The following GRIK2 variants were observed in gnomAD, a reference collection of about 807,000 sequenced individuals.
GRIK2 encodes the protein glutamate receptor ionotropic, kainate 2.
In GRIK2, 32 loss-of-function variants were observed where a neutral mutation model predicts 100.3. That is an observed-to-expected ratio of 0.32 (90% CI 0.24 to 0.43). The LOEUF is 0.43. Ranked by LOEUF, GRIK2 falls within the 20% of genes least tolerant of loss-of-function variation. GRIK2 has a pLI of 1.00. For missense variants in GRIK2, 843 were observed against 1,114.9 expected, an observed-to-expected ratio of 0.76 and a Z score of 3.47; for synonymous variants, 417 against 389.4, an observed-to-expected ratio of 1.07 and a Z score of -0.83.
chr6:102,045,758 C>A (rs1478697270), intron 15 of GRIK2, among the ~76,000 whole-genome samples: 1 of 151,902 alleles, frequency 6.6e-6, no homozygotes, highest in Non-Finnish European at 1.5e-5. Flanking sequence ...GAGCATATGA[C>A]AAGATGCTCC....
At position 101,984,130 on chromosome 6, in the gene GRIK2, G is replaced by C. The variant is rs553931227; in HGVS notation, c.2086-51211G>C. ...AGTTTTAATATTCACATGTCAAATG[G>C]ATAAAATAATTAAAAATTCTCAAAA... On this transcript the variant is annotated intron_variant, in intron 14 of 16. Coordinates refer to ENST00000369134, the MANE Select transcript of GRIK2 (RefSeq NM_021956.5). Among the ~76,000 whole-genome samples the C allele has an allele frequency of 2.0e-4, 31 of 151,612 alleles. No individual in the cohort carries two copies. The South Asian group carries it at 6.2e-3, about 30-fold the overall frequency.
intron 2 of GRIK2, among the ~76,000 whole-genome samples, chr6:101,575,863 G>T (rs1007158958): frequency 2.0e-5 from 3 of 151,846 alleles, no homozygotes; most frequent in Non-Finnish European, 4.4e-5. Context: ...CCCACACCTG[G>T]CATTTAAAGG....
chr6:101,772,645 A>G (rs1229670457), intron 7 of GRIK2, among the ~76,000 whole-genome samples: 2 of 133,758 alleles, frequency 1.5e-5, no homozygotes, highest in East Asian at 4.2e-4. Flanking sequence ...GAAAAAAACT[A>G]GTGAAACTTC....
Position 101,944,702 on chromosome 6 carries a change from A to G in GRIK2, c.2085+16070A>G, listed in dbSNP as rs561160497. 4.6e-5 allele frequency among the ~76,000 whole-genome samples: 7 copies of G among 152,276 alleles called. No individual in the cohort carries two copies. The South Asian group carries it at 1.4e-3, about 32-fold the overall frequency. ...ATTTCAAAAGAAAAAAATATTTTTT[A>G]TCTAGAAAGCTGTAATAATTCATTA... is the stretch of plus-strand genomic sequence containing the variant. On this transcript the variant is annotated intron_variant, in intron 14 of 16. Transcript: ENST00000369134.
intron 2 of GRIK2, among the ~76,000 whole-genome samples, chr6:101,578,854 A>C (rs546802187): frequency 6.6e-6 from 1 of 152,174 alleles, no homozygotes. Flanking sequence ...GCAACATATA[A>C]ATTCCATCCA....
intron 7 of GRIK2, among the ~76,000 whole-genome samples, chr6:101,784,100 T>C (rs780193797): frequency 1.1e-4 from 16 of 152,200 alleles, no homozygotes; most frequent in Admixed American, 3.9e-4. Flanking sequence ...GAGCGGAATG[T>C]TACTAGCCAA....
chr6:101,865,766 G>A (rs1273895280), intron 11 of GRIK2, among the ~76,000 whole-genome samples: 1 of 151,614 alleles, frequency 6.6e-6, no homozygotes, highest in Non-Finnish European at 1.5e-5. Context: ...GTGCACTCCC[G>A]TAATCCCAGC....
At chr6:101,548,699 A>G (rs949831191) in intron 2 of GRIK2, among the ~76,000 whole-genome samples, 2 of 152,164 alleles carry the variant, frequency 1.3e-5, no homozygotes, top group Admixed American at 6.5e-5. Flanking sequence ...TCACTGTATC[A>G]TGATCATGAT....
chr6:101,804,695 C>G (rs1331023009), intron 9 of GRIK2, among the ~76,000 whole-genome samples: 1 of 151,820 alleles, frequency 6.6e-6, no homozygotes, highest in Non-Finnish European at 1.5e-5. Context: ...CATAAACCTT[C>G]CCCTGAAAAG....
chr6:101,844,450 G>A (rs889662128), intron 10 of GRIK2, among the ~76,000 whole-genome samples: 2 of 152,148 alleles, frequency 1.3e-5, no homozygotes, highest in Non-Finnish European at 2.9e-5. Context: ...CTCAAAGAAC[G>A]ACATGGCTTG....
intron 2 of GRIK2, among the ~76,000 whole-genome samples, chr6:101,617,944 G>A (rs1779976968): frequency 6.6e-6 from 1 of 150,882 alleles, no homozygotes; most frequent in Non-Finnish European, 1.5e-5. Flanking sequence ...ATATGTGTGT[G>A]TATATATATG....
chr6:101,485,414 C>T (rs945060810), intron 2 of GRIK2, among the ~76,000 whole-genome samples: 7 of 152,008 alleles, frequency 4.6e-5, no homozygotes, highest in African/African-American at 1.7e-4. Flanking sequence ...TTTCTTTAAC[C>T]TTCCAAGCAT....
At chr6:101,793,660 C>T (rs529558145) in intron 7 of GRIK2, among the ~76,000 whole-genome samples, 34 of 152,306 alleles carry the variant, frequency 2.2e-4, no homozygotes, top group African/African-American at 8.2e-4. Context: ...GGTCAGGGGT[C>T]AGGGACCCAG....
Position 101,510,985 on chromosome 6 carries a change from T to TG in GRIK2, c.116-110960dup, listed in dbSNP as rs559336123. Among the ~76,000 whole-genome samples the TG allele has an allele frequency of 1.1e-3, 163 of 152,208 alleles. 1 individual carries two copies. The highest frequency in any genetic ancestry group is 3.7e-3 in the African/African-American group (152 of 41,556). On this transcript the variant is annotated intron_variant, in intron 2 of 16. Transcript: ENST00000369134. ...TTATGCTTTTTTATAACACAAAGCATGGGGAGACTTTATCAAATCACATGT... is the reference window on the plus strand; with the variant it reads ...TTATGCTTTTTTATAACACAAAGCATGGGGGAGACTTTATCAAATCACATGT...
At chr6:101,606,276 GATTTA>G (rs1426857949) in intron 2 of GRIK2, among the ~76,000 whole-genome samples, 1 of 151,960 alleles carries the variant, frequency 6.6e-6, no homozygotes, top group African/African-American at 2.4e-5. Flanking sequence ...TCAGAAATAG[GATTTA>G]ATTTTAAACG....
intron 14 of GRIK2, among the ~76,000 whole-genome samples, chr6:101,991,939 T>A (rs1396150283): frequency 1.3e-5 from 2 of 151,556 alleles, no homozygotes; most frequent in Non-Finnish European, 3.0e-5. Flanking sequence ...GCATACTATA[T>A]ATGTCATGGG....
At chr6:101,591,337 G>A (rs1216448164) in intron 2 of GRIK2, among the ~76,000 whole-genome samples, 2 of 150,978 alleles carry the variant, frequency 1.3e-5, no homozygotes, top group Non-Finnish European at 3.0e-5. Flanking sequence ...GTCTAGCTCA[G>A]GTCATGATTC....
chr6:101,412,198 A>T (rs1437286074), intron 2 of GRIK2, among the ~76,000 whole-genome samples: 1 of 152,090 alleles, frequency 6.6e-6, no homozygotes, highest in Non-Finnish European at 1.5e-5. Context: ...TGGACACTAC[A>T]TTTGGAATTA....
intron 4 of GRIK2, among the ~76,000 whole-genome samples, chr6:101,658,395 A>G (rs1201506417): frequency 3.3e-5 from 5 of 152,046 alleles, no homozygotes; most frequent in African/African-American, 2.4e-5. Flanking sequence ...ATCCTTTTTT[A>G]TGGCTGCATA....
Sources: allele counts gnomAD v4.1 joint callset (sites outside exome capture counted in the v4.1 genomes callset), GRCh38; gene constraint gnomAD v4.1.1; transcripts MANE v1.5; gene names NCBI Gene and HGNC (gene_info 2026-07-23, HGNC 2026-07-21).